Variants in WDFY3 observed in about 807,000 individuals in gnomAD.
The protein encoded by WDFY3 is WD repeat and FYVE domain-containing protein 3.
In WDFY3, 66 loss-of-function variants were observed where a neutral mutation model predicts 409.6. The observed-to-expected ratio is 0.16, with a 90% CI of 0.13 to 0.20. The LOEUF (loss-of-function observed/expected upper bound fraction) is 0.20, where lower values mean the gene tolerates loss of function less well. Ranked by LOEUF, WDFY3 falls within the 10% of genes least tolerant of loss-of-function variation. The probability of loss-of-function intolerance (pLI) is 1.00; values close to 1 mark genes in which losing one functional copy is unlikely to be tolerated. For missense variants in WDFY3, 3,031 were observed against 4,298.1 expected (o/e 0.71, Z 8.24); for synonymous variants, 1,521 against 1,537.1 (o/e 0.99, Z 0.25).
intron 2 of WDFY3, among the ~76,000 whole-genome samples, chr4:84,925,176 T>C (rs553637796): frequency 7.9e-5 from 12 of 152,340 alleles, no homozygotes; most frequent in Admixed American, 1.3e-4. Flanking sequence ...CTCAGTGCCA[T>C]AAGCATTTCC....
chr4:84,708,855 T>C (rs1732434691), intron 53 of WDFY3, 54 bp downstream of exon 53: 25 of 1,592,576 alleles, frequency 1.6e-5, no homozygotes, highest in Non-Finnish European at 2.1e-5. Flanking sequence ...TTGTCGTATT[T>C]TAAAATTATT....
intron 1 of WDFY3, among the ~76,000 whole-genome samples, chr4:84,944,162 A>G (rs1772501407): frequency 6.6e-6 from 1 of 152,172 alleles, no homozygotes; most frequent in Admixed American, 6.5e-5. Flanking sequence ...CGCTGACTGA[A>G]TAAATAGCTT....
In WDFY3 at chr4:84,786,031, G is replaced by C. The variant is rs747400365; in HGVS notation, c.4010C>G (p.Ala1337Gly). 2 of 1,613,862 alleles carry C rather than the reference G, an allele frequency of 1.2e-6. No homozygotes were observed. Among genetic ancestry groups the C allele is most frequent in the South Asian group, 2.2e-5 (2 of 91,048 alleles). Reference protein sequence around the residue: ...YALSVSSLTVARIRKVYNKLD... With the variant: ...YALSVSSLTVGRIRKVYNKLD... Reference sequence around the variant, plus strand: ...TTTGTTATACACTTTCCGGATTCTTGCCACTGTTAGAGACGACACAGAGAG... The same window carrying C: ...TTTGTTATACACTTTCCGGATTCTTCCCACTGTTAGAGACGACACAGAGAG... The change falls in exon 24 of 68, where the codon GCA becomes GGA. Residue 1337 changes from alanine to glycine, a missense_variant. Ala to Gly is a moderately conservative substitution (Grantham distance 60). This residue lies in a region of WDFY3 where 1,322 missense variants were observed against 1,697.9 expected (regional missense o/e 0.78). Coordinates refer to ENST00000295888, the MANE Select transcript of WDFY3 (RefSeq NM_014991.6).
At chr4:84,846,075 G>A (rs909484818) in intron 5 of WDFY3, among the ~76,000 whole-genome samples, 7 of 152,114 alleles carry the variant, frequency 4.6e-5, no homozygotes, top group African/African-American at 1.4e-4. Flanking sequence ...AGATACTAAA[G>A]GGTGTGGGGA....
At chr4:84,808,205 A>G in intron 15 of WDFY3, 129 bp downstream of exon 15, 1 of 801,132 alleles carries the variant, frequency 1.2e-6, no homozygotes. Flanking sequence ...CCCCAAAAGT[A>G]AAAACAAAAC....
intron 36 of WDFY3, among the ~76,000 whole-genome samples, chr4:84,749,647 T>C (rs1740147220): frequency 1.3e-5 from 2 of 152,182 alleles, no homozygotes; most frequent in African/African-American, 2.4e-5. Context: ...CAAGAACTTA[T>C]CAATGACGTT....
intron 2 of WDFY3, among the ~76,000 whole-genome samples, chr4:84,928,338 C>A (rs899121841): frequency 2.6e-5 from 4 of 152,192 alleles, no homozygotes; most frequent in African/African-American, 9.7e-5. Flanking sequence ...TGGACTTGGA[C>A]TGAGTCATGC....
intron 10 of WDFY3, 100 bp downstream of exon 10, chr4:84,826,715 T>C (rs1427976128): frequency 8.2e-7 from 1 of 1,222,824 alleles, no homozygotes; most frequent in Admixed American, 3.7e-5. Context: ...ATATTACTTT[T>C]ATATATATAA....
At chr4:84,747,122 T>C (rs74918961) in intron 36 of WDFY3, among the ~76,000 whole-genome samples, 2,542 of 152,280 alleles carry the variant, frequency 0.017, 36 homozygotes, top group East Asian at 0.059. Flanking sequence ...GGTGGTCAGA[T>C]CTGTTTTCCT....
chr4:84,958,033 CATTT>C (rs1479089469), intron 1 of WDFY3, among the ~76,000 whole-genome samples: 1 of 152,146 alleles, frequency 6.6e-6, no homozygotes, highest in Non-Finnish European at 1.5e-5. Flanking sequence ...TTTATTATTA[CATTT>C]ATTTATGGTG....
chr4:84,804,616 TA>T (rs1298686953), intron 15 of WDFY3, among the ~76,000 whole-genome samples: 1 of 152,188 alleles, frequency 6.6e-6, no homozygotes, highest in Non-Finnish European at 1.5e-5. Flanking sequence ...CTAAACTTAC[TA>T]AGAAAAATAT....
chr4:84,721,835 AAACAAC>A (rs376632842), intron 46 of WDFY3, among the ~76,000 whole-genome samples: 195 of 151,924 alleles, frequency 1.3e-3, no homozygotes, highest in African/African-American at 4.5e-3. Context: ...TTCTGTCTTA[AAACAAC>A]AACAACAACA....
intron 3 of WDFY3, among the ~76,000 whole-genome samples, chr4:84,876,287 G>A (rs2150357057): frequency 6.6e-6 from 1 of 152,130 alleles, no homozygotes; most frequent in East Asian, 1.9e-4. Context: ...CTGCATGCCT[G>A]TAGTCTGTTA....
chr4:84,744,083 TTTATA>T (rs752089613), intron 36 of WDFY3, among the ~76,000 whole-genome samples: 11 of 148,040 alleles, frequency 7.4e-5, no homozygotes, highest in Non-Finnish European at 1.6e-4. Flanking sequence ...ATTGTTATAG[TTTATA>T]TTATATAATA....
At chr4:84,886,975 C>T (rs1205039262) in intron 3 of WDFY3, among the ~76,000 whole-genome samples, 7 of 151,804 alleles carry the variant, frequency 4.6e-5, no homozygotes, top group Non-Finnish European at 8.8e-5. Context: ...ATCACTTTTA[C>T]ACTATAATAT....
At chr4:84,941,970 AAAAT>A (rs767767177) in intron 1 of WDFY3, among the ~76,000 whole-genome samples, 7 of 151,954 alleles carry the variant, frequency 4.6e-5, no homozygotes, top group African/African-American at 4.8e-5. Context: ...CCACAACCCA[AAAAT>A]AAATAAATAA....
Position 84,678,298 on chromosome 4 carries a change from G to T in WDFY3, c.10148-19C>A, listed in dbSNP as rs1560511681. 3.2e-6 allele frequency: 5 copies of T among 1,581,680 alleles called. No individual in the cohort carries two copies. The highest frequency in any genetic ancestry group is 4.3e-6 in the Non-Finnish European group (5 of 1,150,658). ...CGGTACCCTGGAATGGAGAAGTGGAGGACACAACATAACTCAACTGAGAGA... is the reference window on the plus strand; with the variant it reads ...CGGTACCCTGGAATGGAGAAGTGGATGACACAACATAACTCAACTGAGAGA... On this transcript the variant is annotated intron_variant, in intron 65 of 67. Coordinates refer to ENST00000295888, the MANE Select transcript of WDFY3 (RefSeq NM_014991.6).
chr4:84,742,769 A>G (rs1428143548), intron 37 of WDFY3, among the ~76,000 whole-genome samples: 1 of 152,192 alleles, frequency 6.6e-6, no homozygotes, highest in Non-Finnish European at 1.5e-5. Flanking sequence ...GCAAAACCGT[A>G]ATCCCCCCTT....
chr4:84,765,742 C>A lies in WDFY3; in HGVS notation c.5188+68G>T, dbSNP rs573956714. ...GATCAAACCGCAGAGGATAAGTTTA[C>A]ATAAAATTTAAAATAAAACAAAACA... On this transcript the variant is annotated intron_variant, in intron 32 of 67. Coordinates refer to ENST00000295888, the MANE Select transcript of WDFY3 (RefSeq NM_014991.6). 4.5e-4 allele frequency: 613 copies of A among 1,364,936 alleles called. 9 individuals carry two copies. The South Asian group carries it at 7.4e-3, about 16-fold the overall frequency. 84.6% of individuals were successfully genotyped at this position (1,364,936 alleles called of 1,614,324 possible).
Sources: allele counts gnomAD v4.1 joint callset (sites outside exome capture counted in the v4.1 genomes callset), GRCh38; gene constraint gnomAD v4.1.1; regional missense constraint gnomAD v4.1.1; transcripts MANE v1.5; gene names NCBI Gene and HGNC (gene_info 2026-07-23, HGNC 2026-07-21).